NBPF9: variants seen among roughly 807,000 people sequenced by gnomAD.
NBPF9 encodes the protein NBPF member 9.
NBPF9 carries 91 observed loss-of-function variants against 97.8 expected under a neutral mutation model. The ratio of observed to expected loss-of-function variants is 0.93; its 90% CI spans 0.79 to 1.11. NBPF9 has a LOEUF of 1.11. Among genes scored for constraint, NBPF9 ranks in the 50% least tolerant of loss-of-function variants. The pLI is 0.00. For missense variants in NBPF9, 992 were observed against 939.5 expected, an observed-to-expected ratio of 1.06 and a Z score of -0.73; for synonymous variants, 334 against 359.5, an observed-to-expected ratio of 0.93 and a Z score of 0.80.
intron 3 of NBPF9, among the ~76,000 whole-genome samples, chr1:149,099,151 A>G (rs2081979969): frequency 6.6e-6 from 1 of 152,208 alleles, no homozygotes; most frequent in African/African-American, 2.4e-5. Flanking sequence ...CAAGAATTTG[A>G]TTCTTTCTGT....
intron 21 of NBPF9, among the ~76,000 whole-genome samples, chr1:149,062,495 G>C (rs2078687075): frequency 6.9e-6 from 1 of 144,728 alleles, no homozygotes; most frequent in South Asian, 2.2e-4. Flanking sequence ...AGTGAGCTCA[G>C]CGAATTGGCC....
intron 5 of NBPF9, among the ~76,000 whole-genome samples, chr1:149,085,854 G>A (rs1170199066): frequency 6.6e-6 from 1 of 151,882 alleles, no homozygotes; most frequent in Non-Finnish European, 1.5e-5. Context: ...CGGAACTACT[G>A]TCACAACCAA....
chr1:149,055,856 G>C lies in NBPF9; in HGVS notation c.3136C>G (p.Gln1046Glu). The C allele has an allele frequency of 4.4e-6, 7 of 1,606,960 alleles. 1 individual carries two copies. Among genetic ancestry groups the C allele is most frequent in the Non-Finnish European group, 5.9e-6 (7 of 1,178,990 alleles). ...GAATAACATCCATCCAGTGAGTCCT[G>C]CAAGACTTCAGGCTCTTCCACTTCC... is the stretch of plus-strand genomic sequence containing the variant. Residue 1046 changes from glutamine to glutamate, a missense_variant, in exon 30 of 30, where the codon CAG becomes GAG. Gln to Glu is a conservative substitution (Grantham distance 29). Coordinates refer to ENST00000584027, the Ensembl canonical transcript of NBPF9.
intron 4 of NBPF9, among the ~76,000 whole-genome samples, chr1:149,093,439 G>A (rs1698661): frequency 1.6e-4 from 24 of 151,882 alleles, no homozygotes; most frequent in South Asian, 4.2e-4. Context: ...TATGGGTGTC[G>A]GGCTGGGGGA....
exon 30 of NBPF9, chr1:149,055,899 C>T (rs781835208): frequency 6.2e-7 from 1 of 1,604,610 alleles, no homozygotes; most frequent in Non-Finnish European, 8.5e-7. Flanking sequence ...CGCCGTTGAG[C>T]CTGGAAAAGG....
Position 149,098,595 on chromosome 1 carries a change from C to T in NBPF9, c.-494G>A. ...CCCCAGCATGGAGGCCAAGAACACACAGCACTGAAGCTCCAGGACACCCTC... is the reference window on the plus strand; with the variant it reads ...CCCCAGCATGGAGGCCAAGAACACATAGCACTGAAGCTCCAGGACACCCTC... On this transcript the variant is annotated 5_prime_UTR_variant, in exon 4 of 30. In the 5' UTR this introduces an upstream ATG that the reference lacks. Transcript: ENST00000584027. The T allele has an allele frequency of 1.2e-5, 16 of 1,382,256 alleles. No individual in the cohort carries two copies. Among genetic ancestry groups the T allele is most frequent in the Admixed American group, 2.6e-5 (1 of 38,054 alleles). The allele number at this position is 1,382,256 out of a possible 1,614,324, so 85.6% of individuals were successfully genotyped here.
chr1:149,102,759 C>G (rs1179031473), exon 2 of NBPF9: 1 of 151,974 alleles, frequency 6.6e-6, no homozygotes, highest in African/African-American at 2.4e-5. Flanking sequence ...AGAGGCCTGC[C>G]CCGCTAGTCA....
chr1:149,086,872 A>G (rs1553658640), intron 5 of NBPF9, among the ~76,000 whole-genome samples: 2 of 152,102 alleles, frequency 1.3e-5, no homozygotes, highest in Non-Finnish European at 2.9e-5. Context: ...CATACAGATC[A>G]TTGTGCAGAC....
chr1:149,085,945 G>T (rs1470534019), intron 5 of NBPF9, among the ~76,000 whole-genome samples: 2 of 151,092 alleles, frequency 1.3e-5, no homozygotes, highest in Non-Finnish European at 3.0e-5. Context: ...GCCCCAAGGA[G>T]CCACTGTCAC....
At position 149,075,653 on chromosome 1, in the gene NBPF9, A is replaced by G. The variant is rs782737545; in HGVS notation, c.988+2T>C. ...TCGTGATGGTGAGCCTATAGATCTTACTGTATTTGTTCTGCTGGTTGGCCA... is the reference window on the plus strand; with the variant it reads ...TCGTGATGGTGAGCCTATAGATCTTGCTGTATTTGTTCTGCTGGTTGGCCA... On this transcript the variant is annotated splice_donor_variant, in intron 12 of 29. Transcript: ENST00000584027. LOFTEE classifies it high-confidence loss of function. 2 of 1,607,760 alleles carry G rather than the reference A, an allele frequency of 1.2e-6. No homozygotes were observed. The highest frequency in any genetic ancestry group is 2.2e-5 in the South Asian group (2 of 90,916).
At chr1:149,074,178 C>T (rs1265472131) in intron 12 of NBPF9, among the ~76,000 whole-genome samples, 3 of 151,460 alleles carry the variant, frequency 2.0e-5, no homozygotes, top group African/African-American at 7.3e-5. Flanking sequence ...GGGCCACTTT[C>T]CCAAGCTTTG....
chr1:149,075,173 T>C (rs1369438789), intron 12 of NBPF9, among the ~76,000 whole-genome samples: 1 of 151,792 alleles, frequency 6.6e-6, no homozygotes, highest in Admixed American at 6.6e-5. Flanking sequence ...AGTAGACTCC[T>C]CTTGAAGCCC....
At chr1:149,063,150 TC>T (rs1553650567) in intron 20 of NBPF9, among the ~76,000 whole-genome samples, 1 of 144,864 alleles carries the variant, frequency 6.9e-6, no homozygotes, top group Non-Finnish European at 1.5e-5. Context: ...ATATCATTTG[TC>T]CCAAGTTTGT....
At chr1:149,095,696 T>A (rs1169473767) in intron 4 of NBPF9, among the ~76,000 whole-genome samples, 1 of 149,828 alleles carries the variant, frequency 6.7e-6, no homozygotes, top group African/African-American at 2.5e-5. Flanking sequence ...AATAAGCATA[T>A]GAGAAAGATG....
Position 149,077,651 on chromosome 1 carries a change from G to A in NBPF9, c.566+232C>T, listed in dbSNP as rs1306698529. Among the ~76,000 whole-genome samples, 15 of 152,276 alleles carry A rather than the reference G, an allele frequency of 9.9e-5. No homozygotes were observed. In the South Asian group the frequency reaches 2.9e-3, roughly 29 times the overall value. On this transcript the variant is annotated intron_variant, in intron 10 of 29. Coordinates refer to ENST00000584027, the Ensembl canonical transcript of NBPF9. ...GGTGTTCAGTGCACTGGACAGATAG[G>A]AGCTGAGGAGGATGAAGACTCAGCT...
chr1:149,062,429 A>C (rs1334906105), intron 21 of NBPF9, among the ~76,000 whole-genome samples, 164 bp from the exon 22 acceptor site: 1 of 143,628 alleles, frequency 7.0e-6, no homozygotes, highest in Non-Finnish European at 1.5e-5. Flanking sequence ...GACCAGGGTC[A>C]GGTGGAAAAG....
downstream of NBPF9, among the ~76,000 whole-genome samples, chr1:149,053,691 AG>A (rs1247822035): frequency 7.3e-6 from 1 of 137,034 alleles, no homozygotes; most frequent in African/African-American, 2.7e-5. Flanking sequence ...TGGCAGGTAA[AG>A]GAGGTAGGAA....
At chr1:149,086,313 A>G (rs1351653235) in intron 5 of NBPF9, among the ~76,000 whole-genome samples, 1 of 151,776 alleles carries the variant, frequency 6.6e-6, no homozygotes, top group Admixed American at 6.6e-5. Context: ...CCCTTATACA[A>G]AGGCTGGAAT....
exon 26 of NBPF9, chr1:149,059,055 C>T (rs1478589257): frequency 1.6e-5 from 7 of 428,790 alleles, no homozygotes; most frequent in East Asian, 1.2e-4. Flanking sequence ...GTGAGTCCTG[C>T]AAGACTTCAG....
Sources: gnomAD v4.1 joint callset for allele counts (sites outside exome capture counted in the v4.1 genomes callset) on GRCh38, gnomAD v4.1.1 for gene constraint, MANE v1.5 for transcripts, NCBI Gene and HGNC (gene_info 2026-07-23, HGNC 2026-07-21) for gene names.